MAGI1: variants seen among roughly 807,000 people sequenced by gnomAD.
The protein encoded by MAGI1 is membrane-associated guanylate kinase, WW and PDZ domain-containing protein 1.
MAGI1 carries 58 observed loss-of-function variants against 139.9 expected under a neutral mutation model. The observed-to-expected ratio is 0.41, with a 90% CI of 0.34 to 0.52. The LOEUF (loss-of-function observed/expected upper bound fraction) is 0.52, where lower values mean the gene tolerates loss of function less well. Ranked by LOEUF, MAGI1 falls within the 20% of genes least tolerant of loss-of-function variation. The pLI is 0.12. For synonymous variants in MAGI1, 812 were observed against 737.9 expected (o/e 1.10, Z -1.63); for missense variants, 1,874 against 1,901.6 (o/e 0.99, Z 0.27).
intron 18 of MAGI1, among the ~76,000 whole-genome samples, chr3:65,369,480 T>A (rs1334191263): frequency 6.6e-6 from 1 of 151,568 alleles, no homozygotes; most frequent in Admixed American, 6.6e-5. Flanking sequence ...CCTGCTGGGG[T>A]TTCGAGAACA....
At chr3:65,409,411 G>C (rs1483861291) in intron 12 of MAGI1, among the ~76,000 whole-genome samples, 1 of 152,124 alleles carries the variant, frequency 6.6e-6, no homozygotes, top group Admixed American at 6.5e-5. Context: ...GTGGGGTGGG[G>C]GAGTGGGTGG....
chr3:65,823,897 C>T (rs1157973019), intron 1 of MAGI1, among the ~76,000 whole-genome samples: 2 of 152,198 alleles, frequency 1.3e-5, no homozygotes, highest in African/African-American at 2.4e-5. Flanking sequence ...ATAGTGCACA[C>T]TGGACTCCAG....
intron 1 of MAGI1, among the ~76,000 whole-genome samples, chr3:65,639,769 G>C (rs891579003): frequency 1.3e-5 from 2 of 152,136 alleles, no homozygotes; most frequent in Admixed American, 1.3e-4. Context: ...TTGGGAGGCC[G>C]AGGTGGGCAG....
intron 2 of MAGI1, among the ~76,000 whole-genome samples, chr3:65,529,421 T>C (rs2078534677): frequency 6.6e-6 from 1 of 152,196 alleles, no homozygotes; most frequent in African/African-American, 2.4e-5. Flanking sequence ...TTATTCTGGA[T>C]ATTTCATACA....
chr3:65,700,550 C>G (rs1166806786), intron 1 of MAGI1, among the ~76,000 whole-genome samples: 2 of 152,134 alleles, frequency 1.3e-5, no homozygotes, highest in Non-Finnish European at 2.9e-5. Flanking sequence ...ATGAATTGAT[C>G]TAATGTTTTA....
rs1374587046 is a variant in MAGI1, at chr3:65,802,153, C to T, written c.314-180065G>A. Reference sequence around the variant, plus strand: ...GCCAAAAAGGTTGGGGACCACTGCCCTAAAACATCTTCATTCAGTTAAAAT... The same window carrying T: ...GCCAAAAAGGTTGGGGACCACTGCCTTAAAACATCTTCATTCAGTTAAAAT... On this transcript the variant is annotated intron_variant, in intron 1 of 22. Coordinates refer to ENST00000402939, the MANE Select transcript of MAGI1 (RefSeq NM_001033057.2). Among the ~76,000 whole-genome samples the T allele has an allele frequency of 3.9e-5, 6 of 152,118 alleles. No individual in the cohort carries two copies. In the East Asian group the frequency reaches 1.2e-3, roughly 29 times the overall value.
intron 1 of MAGI1, among the ~76,000 whole-genome samples, chr3:65,702,924 C>A (rs142082188): frequency 1.3e-5 from 2 of 151,864 alleles, no homozygotes; most frequent in Non-Finnish European, 2.9e-5. Flanking sequence ...GGTGAGAAAC[C>A]GTCTTCCTTA....
intron 22 of MAGI1, chr3:65,360,548 T>A: frequency 7.1e-6 from 7 of 984,918 alleles, no homozygotes; most frequent in Non-Finnish European, 8.4e-6. Context: ...AGTCACATGT[T>A]TCCCTCATGA....
chr3:65,582,449 G>A (rs1417667447), intron 2 of MAGI1, among the ~76,000 whole-genome samples: 1 of 152,140 alleles, frequency 6.6e-6, no homozygotes, highest in African/African-American at 2.4e-5. Context: ...ATATTCTCAG[G>A]AGTAGTAATG....
chr3:65,801,630 T>A (rs571962888), intron 1 of MAGI1, among the ~76,000 whole-genome samples: 1 of 152,260 alleles, frequency 6.6e-6, no homozygotes, highest in Non-Finnish European at 1.5e-5. Flanking sequence ...ACCAATCACT[T>A]CTCCTACATT....
intron 18 of MAGI1, among the ~76,000 whole-genome samples, chr3:65,375,035 C>T (rs1185498579): frequency 2.0e-5 from 3 of 152,162 alleles, no homozygotes; most frequent in Admixed American, 6.5e-5. Context: ...TGAATTGCCA[C>T]CATGCAGGTT....
chr3:65,862,813 C>T (rs553977249), intron 1 of MAGI1, among the ~76,000 whole-genome samples: 1 of 152,306 alleles, frequency 6.6e-6, no homozygotes, highest in South Asian at 2.1e-4. Context: ...TTAGAAACAC[C>T]TCTTTTGGAA....
chr3:65,941,816 G>C (rs143622740), intron 1 of MAGI1, among the ~76,000 whole-genome samples: 3 of 152,314 alleles, frequency 2.0e-5, no homozygotes, highest in African/African-American at 7.2e-5. Flanking sequence ...GTTTGGAACA[G>C]GGTCTCACTC....
chr3:65,360,004 T>G, intron 22 of MAGI1: 1 of 985,392 alleles, frequency 1.0e-6, no homozygotes, highest in South Asian at 4.7e-5. Context: ...GTCAAAATAC[T>G]TCCCCTGTGG....
At chr3:66,008,089 G>T (rs2067128130) in intron 1 of MAGI1, among the ~76,000 whole-genome samples, 1 of 151,968 alleles carries the variant, frequency 6.6e-6, no homozygotes, top group Non-Finnish European at 1.5e-5. Flanking sequence ...TACAGATGGG[G>T]TTCCACCATG....
intron 1 of MAGI1, among the ~76,000 whole-genome samples, chr3:65,867,723 A>C (rs2059779959): frequency 6.6e-6 from 1 of 152,130 alleles, no homozygotes; most frequent in South Asian, 2.1e-4. Context: ...ACTGCACTCC[A>C]GCCTTAGCAA....
At chr3:65,787,386 C>T (rs1194975336) in intron 1 of MAGI1, among the ~76,000 whole-genome samples, 23 of 151,598 alleles carry the variant, frequency 1.5e-4, no homozygotes, top group Admixed American at 9.9e-4. Flanking sequence ...CTTCCTCTGC[C>T]GTTTTTTTAG....
chr3:65,763,361 CAA>C (rs1307635372), intron 1 of MAGI1, among the ~76,000 whole-genome samples: 3 of 152,118 alleles, frequency 2.0e-5, no homozygotes, highest in East Asian at 3.9e-4. Context: ...TCCCATGTCA[CAA>C]AAGACTTATA....
intron 1 of MAGI1, among the ~76,000 whole-genome samples, chr3:65,971,028 C>G (rs933637473): frequency 6.6e-6 from 1 of 152,126 alleles, no homozygotes; most frequent in Non-Finnish European, 1.5e-5. Context: ...CATGGTGAAA[C>G]CCCATCTCTA....
Sources: allele counts gnomAD v4.1 joint callset (sites outside exome capture counted in the v4.1 genomes callset), GRCh38; gene constraint gnomAD v4.1.1; transcripts MANE v1.5; gene names NCBI Gene and HGNC (gene_info 2026-07-23, HGNC 2026-07-21).